The following CLSTN2 variants were observed in gnomAD, a reference collection of about 807,000 sequenced individuals.
CLSTN2 encodes the protein calsyntenin 2.
CLSTN2 carries 48 observed loss-of-function variants against 101.2 expected under a neutral mutation model. That is an observed-to-expected ratio of 0.47 (90% CI 0.38 to 0.60). CLSTN2 has a LOEUF of 0.60. CLSTN2 is among the 20% of genes least tolerant of loss of function. The probability of loss-of-function intolerance (pLI) is 0.00; values close to 1 mark genes in which losing one functional copy is unlikely to be tolerated. For synonymous variants in CLSTN2, 481 were observed against 463.6 expected (o/e 1.04, Z -0.48); for missense variants, 1,160 against 1,238.2 (o/e 0.94, Z 0.95).
At chr3:140,009,861 C>G (rs1307433009) in intron 1 of CLSTN2, among the ~76,000 whole-genome samples, 1 of 152,250 alleles carries the variant, frequency 6.6e-6, no homozygotes, top group Non-Finnish European at 1.5e-5. Context: ...TCATGAGTCA[C>G]TAATAATGAA....
intron 1 of CLSTN2, among the ~76,000 whole-genome samples, chr3:139,997,538 G>T (rs143840403): frequency 1.2e-3 from 180 of 152,016 alleles, no homozygotes; most frequent in African/African-American, 4.3e-3. Context: ...GTGCTATTTT[G>T]GTTCATTGTT....
At chr3:140,414,577 G>T (rs914277447) in intron 4 of CLSTN2, among the ~76,000 whole-genome samples, 4 of 152,008 alleles carry the variant, frequency 2.6e-5, no homozygotes, top group Non-Finnish European at 5.9e-5. Flanking sequence ...GGAAAAGGAT[G>T]AGAAGTGGGA....
At chr3:140,347,341 G>A (rs937418196) in intron 2 of CLSTN2, among the ~76,000 whole-genome samples, 1 of 152,224 alleles carries the variant, frequency 6.6e-6, no homozygotes, top group Non-Finnish European at 1.5e-5. Flanking sequence ...TGGCAGGACT[G>A]CTGAAACTTG....
At chr3:140,272,192 A>G (rs1036218523) in intron 2 of CLSTN2, among the ~76,000 whole-genome samples, 102 of 152,296 alleles carry the variant, frequency 6.7e-4, no homozygotes, top group African/African-American at 2.3e-3. Context: ...TATTGGGGGA[A>G]AAAACAGTTT....
chr3:140,408,583 T>C (rs1414649851), intron 4 of CLSTN2, among the ~76,000 whole-genome samples: 1 of 152,186 alleles, frequency 6.6e-6, no homozygotes, highest in East Asian at 1.9e-4. Context: ...ACAACCAGTA[T>C]AGCCATAGGG....
chr3:140,503,626 T>C (rs1934625735), intron 8 of CLSTN2, among the ~76,000 whole-genome samples: 1 of 152,192 alleles, frequency 6.6e-6, no homozygotes, highest in African/African-American at 2.4e-5. Context: ...GATTAGGACA[T>C]GAACCTATAA....
intron 2 of CLSTN2, among the ~76,000 whole-genome samples, chr3:140,215,716 G>A (rs2010911595): frequency 6.6e-6 from 1 of 152,164 alleles, no homozygotes. Context: ...TACCCTCCCT[G>A]TGTTTCAGCT....
chr3:140,313,309 T>C (rs2087192868), intron 2 of CLSTN2, among the ~76,000 whole-genome samples: 1 of 152,166 alleles, frequency 6.6e-6, no homozygotes, highest in Admixed American at 6.5e-5. Flanking sequence ...AAAAGGAAAC[T>C]GAGACTCAGA....
rs558049311 is a variant in CLSTN2, at chr3:140,469,559, G to T, written c.1344+2828G>T. On this transcript the variant is annotated intron_variant, in intron 8 of 16. Coordinates refer to ENST00000458420, the MANE Select transcript of CLSTN2 (RefSeq NM_022131.3). ...AAGCCATCCTGGGTCACCCCCATGG[G>T]TGGTTTGCCTCTCTTCTCTGCTCCC... Among the ~76,000 whole-genome samples, 6 of 152,280 alleles carry T rather than the reference G, an allele frequency of 3.9e-5. No individual in the cohort carries two copies. In the South Asian group the frequency reaches 1.2e-3, roughly 32 times the overall value.
chr3:140,185,533 G>A (rs903791521), intron 2 of CLSTN2, among the ~76,000 whole-genome samples: 1 of 152,084 alleles, frequency 6.6e-6, no homozygotes, highest in Non-Finnish European at 1.5e-5. Flanking sequence ...CAAGCCCCAT[G>A]ACCCAGCCCA....
chr3:140,061,897 CTCGCTTCT>C (rs1414362740), intron 1 of CLSTN2, among the ~76,000 whole-genome samples: 1 of 152,212 alleles, frequency 6.6e-6, no homozygotes, highest in Non-Finnish European at 1.5e-5. Context: ...GAAGCCTGTG[CTCGCTTCT>C]CCTGACACTG....
intron 5 of CLSTN2, among the ~76,000 whole-genome samples, chr3:140,434,790 A>C (rs1449791145): frequency 1.3e-5 from 2 of 152,196 alleles, no homozygotes; most frequent in African/African-American, 4.8e-5. Context: ...TGTGTTGCAG[A>C]GAAGGGTTTT....
intron 10 of CLSTN2, among the ~76,000 whole-genome samples, chr3:140,555,787 T>G (rs561330298): frequency 1.3e-5 from 2 of 152,216 alleles, no homozygotes; most frequent in African/African-American, 2.4e-5. Flanking sequence ...TGTGGGGACA[T>G]GGAGAGGGCA....
intron 1 of CLSTN2, among the ~76,000 whole-genome samples, chr3:139,979,117 G>GACCC (rs1301544526): frequency 6.6e-6 from 1 of 152,140 alleles, no homozygotes; most frequent in Non-Finnish European, 1.5e-5. Context: ...GTGAGAGCTT[G>GACCC]ACCCTGGTTT....
intron 2 of CLSTN2, among the ~76,000 whole-genome samples, chr3:140,289,688 A>G (rs1484430581): frequency 6.6e-6 from 1 of 152,158 alleles, no homozygotes; most frequent in Non-Finnish European, 1.5e-5. Context: ...AAATAAATGA[A>G]TGCATGCACA....
At chr3:140,543,777 C>A (rs1935532609) in intron 9 of CLSTN2, among the ~76,000 whole-genome samples, 1 of 152,180 alleles carries the variant, frequency 6.6e-6, no homozygotes, top group Non-Finnish European at 1.5e-5. Flanking sequence ...AAAATGGAAG[C>A]TTTTTATACA....
intron 1 of CLSTN2, among the ~76,000 whole-genome samples, chr3:140,050,145 A>G (rs983943205): frequency 1.3e-5 from 2 of 152,158 alleles, no homozygotes; most frequent in Non-Finnish European, 2.9e-5. Context: ...TCAGCTTGTT[A>G]TTGCTATTAT....
chr3:140,319,964 C>T (rs2087266171), intron 2 of CLSTN2, among the ~76,000 whole-genome samples: 1 of 152,238 alleles, frequency 6.6e-6, no homozygotes, highest in Non-Finnish European at 1.5e-5. Context: ...AGTGCATTCC[C>T]AGCAGTCTCT....
At chr3:140,367,203 C>T (rs74490130) in intron 2 of CLSTN2, among the ~76,000 whole-genome samples, 91 of 151,650 alleles carry the variant, frequency 6.0e-4, no homozygotes, top group Middle Eastern at 6.9e-3. Flanking sequence ...GGAACTTAGA[C>T]GCTACACTTG....
Sources: gnomAD v4.1 joint callset for allele counts (sites outside exome capture counted in the v4.1 genomes callset) on GRCh38, gnomAD v4.1.1 for gene constraint, MANE v1.5 for transcripts, NCBI Gene and HGNC (gene_info 2026-07-23, HGNC 2026-07-21) for gene names.